Variants in PLEKHM1 observed in about 807,000 individuals in gnomAD.
PLEKHM1 encodes pleckstrin homology and RUN domain containing M1, also known as pleckstrin homology domain-containing family M member 1.
A neutral mutation model predicts 94.3 loss-of-function variants in PLEKHM1; 28 were observed. The observed-to-expected ratio is 0.30, with a 90% CI of 0.22 to 0.41. The LOEUF (loss-of-function observed/expected upper bound fraction) is 0.41. PLEKHM1 is among the 10% of genes least tolerant of loss of function. The probability of loss-of-function intolerance (pLI) is 1.00; values close to 1 mark genes in which losing one functional copy is unlikely to be tolerated. For missense variants in PLEKHM1, 907 were observed against 1,358.6 expected, an observed-to-expected ratio of 0.67 and a Z score of 5.22; for synonymous variants, 424 against 581.2, an observed-to-expected ratio of 0.73 and a Z score of 3.89.
At position 45,440,241 on chromosome 17, in the gene PLEKHM1, C is replaced by T; in HGVS notation, c.2838-15G>A. 7 of 1,613,392 alleles carry T rather than the reference C, an allele frequency of 4.3e-6. No homozygotes were observed. The highest frequency in any genetic ancestry group is 5.9e-6 in the Non-Finnish European group (7 of 1,179,308). On this transcript the variant is annotated splice_polypyrimidine_tract_variant and intron_variant, in intron 9 of 11. Coordinates refer to ENST00000430334, the MANE Select transcript of PLEKHM1 (RefSeq NM_014798.3). Reference sequence around the variant, plus strand: ...TGTGGTTGAGCCTTCAAACAAAACACAAGCGATTCTTTAGAAAGGTTTCCA... The same window carrying T: ...TGTGGTTGAGCCTTCAAACAAAACATAAGCGATTCTTTAGAAAGGTTTCCA...
intron 8 of PLEKHM1, among the ~76,000 whole-genome samples, chr17:45,448,853 C>T (rs1248868657): frequency 6.6e-6 from 1 of 152,006 alleles, no homozygotes; most frequent in Non-Finnish European, 1.5e-5. Context: ...ATTTGGTGAA[C>T]ATAAAAAAGT....
Position 45,453,853 on chromosome 17 carries a change from G to A in PLEKHM1, c.1999C>T (p.Leu667Phe), listed in dbSNP as rs367791293. The change falls in exon 7 of 12, where the codon CTC becomes TTC. Residue 667 changes from leucine to phenylalanine, a missense_variant. Leu to Phe is a conservative substitution (Grantham distance 22). Around this residue, in one of 3 missense-constraint regions of PLEKHM1, gnomAD observed 477 missense variants for 601.5 expected, o/e 0.79. Transcript: ENST00000430334. This position sits in a 1 kb window ranked among gnomAD's most constrained non-coding sequence, Gnocchi z 4.1. ...PSDLLSEPAA[L>F]QGTQFDWSSA... The stretch of plus-strand genomic sequence containing the variant: ...GACCAGTCAAACTGTGTGCCCTGGA[G>A]GGCCGCGGGCTCCGAGAGCAGGTCT... The A allele has an allele frequency of 3.1e-6, 5 of 1,613,876 alleles. No individual in the cohort carries two copies. Among genetic ancestry groups the A allele is most frequent in the Non-Finnish European group, 4.2e-6 (5 of 1,179,876 alleles).
At position 45,444,495 on chromosome 17, in the gene PLEKHM1, CG is replaced by C. The variant is rs1016479267; in HGVS notation, c.2837+974del. 2.0e-5 allele frequency among the ~76,000 whole-genome samples: 3 copies of C among 152,286 alleles called. No individual in the cohort carries two copies. The highest frequency in any genetic ancestry group is 7.2e-5 in the African/African-American group (3 of 41,572). ...TTCCTGAAGGGCATCCTGAGGGCCC[CG>C]CCCGGATCACGTCTTCTTTGGAGAA... On this transcript the variant is annotated intron_variant, in intron 9 of 11. Coordinates refer to ENST00000430334, the MANE Select transcript of PLEKHM1 (RefSeq NM_014798.3). The surrounding 1 kb of genome is among the most constrained non-coding windows in gnomAD (Gnocchi z 5.0).
chr17:45,437,696 G>T lies in PLEKHM1; in HGVS notation c.*162C>A. ...CCAGGGGACACCACGGGGACTTCCTGGGCTTTCTCTGGGAGGCCGGTGCTC... is the reference window on the plus strand; with the variant it reads ...CCAGGGGACACCACGGGGACTTCCTTGGCTTTCTCTGGGAGGCCGGTGCTC... On this transcript the variant is annotated 3_prime_UTR_variant, in exon 12 of 12. Transcript: ENST00000430334. The surrounding 1 kb of genome is among the most constrained non-coding windows in gnomAD (Gnocchi z 4.0). 1 of 712,302 alleles carries T rather than the reference G, an allele frequency of 1.4e-6. No individual in the cohort carries two copies. Among genetic ancestry groups the T allele is most frequent in the Non-Finnish European group, 2.5e-6 (1 of 394,320 alleles). 44.1% of individuals were successfully genotyped at this position (712,302 alleles called of 1,614,324 possible).
At chr17:45,474,202 C>A (rs1273385009) in intron 4 of PLEKHM1, among the ~76,000 whole-genome samples, 1 of 151,762 alleles carries the variant, frequency 6.6e-6, no homozygotes, top group African/African-American at 2.4e-5. Flanking sequence ...GACTACAAGG[C>A]GCCCGCCACC....
intron 11 of PLEKHM1, among the ~76,000 whole-genome samples, chr17:45,438,872 T>A (rs1476172201): frequency 6.6e-6 from 1 of 152,202 alleles, no homozygotes; most frequent in East Asian, 1.9e-4. Context: ...GGTATAATTT[T>A]AAAAACTCAG....
rs767517109 is a variant in PLEKHM1 at position 45,475,081 on chromosome 17, G to A, written c.923+19C>T. 6 of 1,613,842 alleles carry A rather than the reference G, an allele frequency of 3.7e-6. No homozygotes were observed. The Admixed American group carries it at 8.3e-5, about 22-fold the overall frequency. ...GAGGGAAGAGAGAAGATGGGAAGGA[G>A]TGGGGGCAGCGTACTCACTCTTGCA... On this transcript the variant is annotated intron_variant, in intron 4 of 11. Coordinates refer to ENST00000430334, the MANE Select transcript of PLEKHM1 (RefSeq NM_014798.3).
rs555633497 is a variant in PLEKHM1, at chr17:45,442,349, C to G, written c.2838-2123G>C. On this transcript the variant is annotated intron_variant, in intron 9 of 11. Transcript: ENST00000430334. The stretch of plus-strand genomic sequence containing the variant: ...GCTAATTACTAACACCAGCTGCCAC[C>G]CAGGGCTCTCCCCTTCACCAACTGC... 9.4e-4 allele frequency among the ~76,000 whole-genome samples: 143 copies of G among 152,264 alleles called. 1 individual carries two copies. Among genetic ancestry groups the G allele is most frequent in the Admixed American group, 7.2e-3 (110 of 15,302 alleles).
intron 1 of PLEKHM1, among the ~76,000 whole-genome samples, chr17:45,484,447 G>A (rs2145357799): frequency 6.6e-6 from 1 of 152,324 alleles, no homozygotes; most frequent in East Asian, 1.9e-4. Flanking sequence ...TTTAGGCAAA[G>A]TTTAACTTTT....
At chr17:45,473,954 G>A (rs1182113608) in intron 4 of PLEKHM1, among the ~76,000 whole-genome samples, 1 of 152,112 alleles carries the variant, frequency 6.6e-6, no homozygotes, top group Admixed American at 6.5e-5. Context: ...GGAAAGAACA[G>A]GGTAGAGGGA....
At chr17:45,441,810 G>A (rs1876444149) in intron 9 of PLEKHM1, among the ~76,000 whole-genome samples, 1 of 152,192 alleles carries the variant, frequency 6.6e-6, no homozygotes, top group Admixed American at 6.5e-5. Context: ...ACACAATGAG[G>A]AGAACCCTCT....
At chr17:45,462,330 G>C (rs1325688811) in intron 5 of PLEKHM1, among the ~76,000 whole-genome samples, 1 of 151,890 alleles carries the variant, frequency 6.6e-6, no homozygotes, top group Non-Finnish European at 1.5e-5. Context: ...AGCAAAGCCT[G>C]CCTAGGTCAT....
chr17:45,479,138 C>T (rs2051854167), intron 2 of PLEKHM1, among the ~76,000 whole-genome samples: 1 of 151,646 alleles, frequency 6.6e-6, no homozygotes, highest in Non-Finnish European at 1.5e-5. Context: ...CTTTGGGAGG[C>T]CAAGGCAGGC....
chr17:45,457,026 C>T (rs1313857388), intron 6 of PLEKHM1, among the ~76,000 whole-genome samples: 2 of 151,954 alleles, frequency 1.3e-5, no homozygotes, highest in Admixed American at 6.6e-5. Context: ...ACTGGAAATA[C>T]AAGAATCACC....
rs1398339519 is a variant in PLEKHM1 at position 45,444,583 on chromosome 17, T to A, written c.2837+887A>T. The stretch of plus-strand genomic sequence containing the variant: ...CTGGTACAGGGAAGAGATGGGAACA[T>A]CTGGCCCTCACCTGCCTCTCGCCAC... On this transcript the variant is annotated intron_variant, in intron 9 of 11. Coordinates refer to ENST00000430334, the MANE Select transcript of PLEKHM1 (RefSeq NM_014798.3). This position sits in a 1 kb window ranked among gnomAD's most constrained non-coding sequence, Gnocchi z 5.0. 6.6e-6 allele frequency among the ~76,000 whole-genome samples: 1 copy of A among 152,152 alleles called. No individual in the cohort carries two copies. Among genetic ancestry groups the A allele is most frequent in the Admixed American group, 6.5e-5 (1 of 15,284 alleles).
At chr17:45,465,431 G>A (rs542881820) in intron 5 of PLEKHM1, among the ~76,000 whole-genome samples, 10 of 152,168 alleles carry the variant, frequency 6.6e-5, no homozygotes, top group African/African-American at 1.7e-4. Context: ...AGGCTGGGCC[G>A]GGCACGGTGG....
At chr17:45,478,247 C>T (rs2051823297) in intron 2 of PLEKHM1, 100 bp from the exon 3 acceptor site, 1 of 1,304,470 alleles carries the variant, frequency 7.7e-7, no homozygotes, top group Non-Finnish European at 1.1e-6. Context: ...TGTGCAACCA[C>T]ATGCACACAC....
rs1336843883 is a variant in PLEKHM1, at chr17:45,477,942, G to A, written c.254C>T (p.Pro85Leu). The A allele has an allele frequency of 1.9e-6, 3 of 1,613,994 alleles. No individual in the cohort carries two copies. The highest frequency in any genetic ancestry group is 2.5e-6 in the Non-Finnish European group (3 of 1,179,968). ...RKKSAHQKPL[P>L]QPVFWPLLKA... is the part of the protein sequence containing the mutation. ...CAGGAGGGGCCAGAAGACAGGCTGG[G>A]GCAGAGGCTTCTGGTGGGCACTTTT... Residue 85 changes from proline (P) to leucine (L), a missense_variant, in exon 3 of 12, where the codon CCC becomes CTC. By Grantham distance (98) the Pro-to-Leu change is moderately conservative. Coordinates refer to ENST00000430334, the MANE Select transcript of PLEKHM1 (RefSeq NM_014798.3).
chr17:45,452,937 A>G lies in PLEKHM1; in HGVS notation c.2497+418T>C, dbSNP rs142052154. ...AGAAAGTTCTATTGGACAGCACTGA[A>G]TAGCACGAGCCCATTTTTATAATTA... On this transcript the variant is annotated intron_variant, in intron 7 of 11. Transcript: ENST00000430334. The G allele has an allele frequency of 7.5e-3, 2,480 of 331,914 alleles. 48 individuals carry two copies. The highest frequency in any genetic ancestry group is 0.048 in the African/African-American group (2,284 of 47,346). The allele number at this position is 331,914 out of a possible 1,614,324, so 20.6% of individuals were successfully genotyped here.
Sources: allele counts gnomAD v4.1 joint callset (sites outside exome capture counted in the v4.1 genomes callset), GRCh38; gene constraint gnomAD v4.1.1; regional missense constraint gnomAD v4.1.1; non-coding constraint Gnocchi (gnomAD v3.1); transcripts MANE v1.5; gene names NCBI Gene and HGNC (gene_info 2026-07-23, HGNC 2026-07-21).